Variants in UXS1 observed in about 807,000 individuals in gnomAD.
The protein encoded by UXS1 is UDP-glucuronate decarboxylase 1.
A neutral mutation model predicts 62.6 loss-of-function variants in UXS1; 33 were observed. That is an observed-to-expected ratio of 0.53 (90% confidence interval 0.40 to 0.70). UXS1 has a LOEUF of 0.70. Among genes scored for constraint, UXS1 ranks in the 30% least tolerant of loss-of-function variants. UXS1 has a pLI of 0.00. For synonymous variants in UXS1, 213 were observed against 206.8 expected, an observed-to-expected ratio of 1.03 and a Z score of -0.26; for missense variants, 434 against 556.3, an observed-to-expected ratio of 0.78 and a Z score of 2.21.
intron 5 of UXS1, among the ~76,000 whole-genome samples, chr2:106,146,359 C>T (rs1187439300): frequency 6.6e-6 from 1 of 152,110 alleles, no homozygotes; most frequent in East Asian, 1.9e-4. Context: ...TCCTTTCTAC[C>T]TAAAATAAAA....
chr2:106,184,131 A>G (rs2010872), intron 1 of UXS1, among the ~76,000 whole-genome samples: 149,150 of 152,278 alleles, frequency 0.98, 73,103 homozygotes, highest in South Asian at 1. Flanking sequence ...GGCAGAAGTC[A>G]CAGTGAGGCA....
intron 1 of UXS1, among the ~76,000 whole-genome samples, chr2:106,167,118 A>G (rs188412324): frequency 1.6e-3 from 250 of 152,322 alleles, no homozygotes; most frequent in African/African-American, 5.8e-3. Context: ...GTAAATGTGT[A>G]TAAGTCAGCC....
In UXS1 at chr2:106,094,014, A is replaced by T. The variant is rs770734463; in HGVS notation, c.*12T>A. On this transcript the variant is annotated 3_prime_UTR_variant, in exon 15 of 15. Coordinates refer to ENST00000283148, the MANE Select transcript of UXS1 (RefSeq NM_001253875.2). ...TGTACAATGGTAGTCTTGTGTCCTA[A>T]AAGTGAGGAGTTCAGCTGTGGCGAG... The T allele has an allele frequency of 5.3e-5, 85 of 1,604,342 alleles. 1 individual carries two copies. The East Asian group carries it at 1.9e-3, about 35-fold the overall frequency.
intron 11 of UXS1, chr2:106,102,090 A>G (rs1017491079): frequency 1.3e-5 from 2 of 152,190 alleles, no homozygotes; most frequent in African/African-American, 4.8e-5. Flanking sequence ...CGTAAATCAG[A>G]TATTTCTGCG....
chr2:106,180,340 C>T (rs1352951953), intron 1 of UXS1, among the ~76,000 whole-genome samples: 2 of 152,166 alleles, frequency 1.3e-5, no homozygotes, highest in Admixed American at 1.3e-4. Context: ...AAACTAAGCC[C>T]CAGAAAGATA....
intron 5 of UXS1, among the ~76,000 whole-genome samples, chr2:106,146,889 TCA>T (rs1268867833): frequency 6.6e-6 from 1 of 151,356 alleles, no homozygotes; most frequent in Non-Finnish European, 1.5e-5. Flanking sequence ...GTGCAGTGGC[TCA>T]TGCCTGTACC....
chr2:106,188,932 GAACA>G (rs1684749735), intron 1 of UXS1, among the ~76,000 whole-genome samples: 1 of 151,914 alleles, frequency 6.6e-6, no homozygotes. Context: ...AAAGTTCACA[GAACA>G]AAAAAGAACT....
At chr2:106,166,341 T>C (rs903348947) in intron 1 of UXS1, 13 of 373,376 alleles carry the variant, frequency 3.5e-5, no homozygotes, top group Non-Finnish European at 5.8e-5. Flanking sequence ...CCTGAATATA[T>C]GCTCCCATCA....
At chr2:106,145,719 G>A (rs777098408) in intron 5 of UXS1, among the ~76,000 whole-genome samples, 6 of 152,120 alleles carry the variant, frequency 3.9e-5, no homozygotes, top group East Asian at 1.9e-4. Context: ...CATAGCTCAC[G>A]TGGCTTTAAT....
intron 5 of UXS1, among the ~76,000 whole-genome samples, chr2:106,150,924 G>A (rs2105015582): frequency 1.3e-5 from 2 of 152,314 alleles, no homozygotes; most frequent in Middle Eastern, 6.8e-3. Context: ...CCAGGACTCA[G>A]GCCATGGAGT....
intron 14 of UXS1, among the ~76,000 whole-genome samples, chr2:106,095,933 C>G (rs1677043189): frequency 6.6e-6 from 1 of 152,180 alleles, no homozygotes; most frequent in Admixed American, 6.5e-5. Context: ...CAGGCTCAGC[C>G]CCAGGGAGGC....
At chr2:106,151,265 A>G (rs923208522) in intron 5 of UXS1, among the ~76,000 whole-genome samples, 2 of 152,190 alleles carry the variant, frequency 1.3e-5, no homozygotes, top group Non-Finnish European at 2.9e-5. Flanking sequence ...TGCATGTAAG[A>G]AGGACATAAA....
chr2:106,119,751 G>A (rs931630546), intron 9 of UXS1, among the ~76,000 whole-genome samples: 4 of 152,198 alleles, frequency 2.6e-5, no homozygotes, highest in African/African-American at 9.7e-5. Flanking sequence ...TGTGGCAGGA[G>A]GTGCTTGGAC....
At chr2:106,094,682 G>A (rs1254823735) in intron 14 of UXS1, among the ~76,000 whole-genome samples, 1 of 152,196 alleles carries the variant, frequency 6.6e-6, no homozygotes, top group Non-Finnish European at 1.5e-5. Context: ...GGCTGAGTCT[G>A]AGAGGGGACC....
At chr2:106,164,832 G>A (rs1558742931) in intron 2 of UXS1, 33 bp from the exon 3 acceptor site, 1 of 1,492,534 alleles carries the variant, frequency 6.7e-7, no homozygotes, top group Non-Finnish European at 9.1e-7. Context: ...AAGGCTTTGT[G>A]ACTTTAAGAC....
chr2:106,152,357 C>T (rs1292933383), intron 5 of UXS1, among the ~76,000 whole-genome samples: 1 of 151,780 alleles, frequency 6.6e-6, no homozygotes, highest in Non-Finnish European at 1.5e-5. Flanking sequence ...GAGGGTGAGA[C>T]AGGAGAATCG....
At chr2:106,145,481 G>C in intron 5 of UXS1, 111 bp from the exon 6 acceptor site, 1 of 1,351,158 alleles carries the variant, frequency 7.4e-7, no homozygotes, top group Non-Finnish European at 9.8e-7. Context: ...TAAAACTCAG[G>C]AGCAAGGCGG....
chr2:106,120,414 C>G (rs1679429531), intron 9 of UXS1, among the ~76,000 whole-genome samples: 2 of 151,986 alleles, frequency 1.3e-5, no homozygotes, highest in South Asian at 4.1e-4. Context: ...AATGACTGCA[C>G]AGTGGGAACG....
At chr2:106,175,427 GAC>G (rs1412704655) in intron 1 of UXS1, among the ~76,000 whole-genome samples, 15 of 152,220 alleles carry the variant, frequency 9.9e-5, no homozygotes, top group Middle Eastern at 3.2e-3. Context: ...ACTCCAAAGT[GAC>G]ACTTTTAAAA....
Sources: allele counts gnomAD v4.1 joint callset (sites outside exome capture counted in the v4.1 genomes callset), GRCh38; gene constraint gnomAD v4.1.1; transcripts MANE v1.5; gene names NCBI Gene and HGNC (gene_info 2026-07-23, HGNC 2026-07-21).